ADAMTS13: variants seen among roughly 807,000 people sequenced by gnomAD.
The protein encoded by ADAMTS13 is ADAM metallopeptidase with thrombospondin type 1 motif 13.
In ADAMTS13, 110 loss-of-function variants were observed where a neutral mutation model predicts 155.1. The observed-to-expected ratio is 0.71, with a 90% CI of 0.61 to 0.83. ADAMTS13 has a LOEUF of 0.83. ADAMTS13 is among the 40% of genes least tolerant of loss of function. The probability of loss-of-function intolerance (pLI) is 0.00; values close to 1 mark genes in which losing one functional copy is unlikely to be tolerated. For missense variants in ADAMTS13, 1,707 were observed against 1,891.7 expected (o/e 0.90, Z 1.81); for synonymous variants, 758 against 756.4 (o/e 1.00, Z -0.03).
chr9:133,422,885 T>C (rs1348177725), intron 1 of ADAMTS13, among the ~76,000 whole-genome samples: 2 of 151,242 alleles, frequency 1.3e-5, no homozygotes, highest in Non-Finnish European at 2.9e-5. Context: ...CTGCCTCCTG[T>C]CTCCCTCTTC....
intron 25 of ADAMTS13, chr9:133,455,823 C>T: frequency 1.3e-6 from 1 of 782,132 alleles, no homozygotes; most frequent in African/African-American, 1.7e-5. Flanking sequence ...TTGTGAGCCC[C>T]CTAGCCTCTG....
chr9:133,414,725 C>T (rs948922930), intron 1 of ADAMTS13: 7 of 1,614,018 alleles, frequency 4.3e-6, no homozygotes, highest in East Asian at 2.2e-5. Context: ...GATGTCCCCT[C>T]GTTCTGGAAC....
chr9:133,457,771 G>C, intron 27 of ADAMTS13, 139 bp from the exon 28 acceptor site: 1 of 1,096,554 alleles, frequency 9.1e-7, no homozygotes, highest in East Asian at 2.4e-5. Context: ...TAGAGGTGGG[G>C]TTCAGCAGGA....
intron 27 of ADAMTS13, among the ~76,000 whole-genome samples, chr9:133,457,370 C>T (rs1842810291): frequency 6.6e-6 from 1 of 152,234 alleles, no homozygotes. Flanking sequence ...CGCCTCCTTG[C>T]CCCAGACCTG....
At chr9:133,449,311 T>G (rs1842279354) in intron 22 of ADAMTS13, among the ~76,000 whole-genome samples, 1 of 151,754 alleles carries the variant, frequency 6.6e-6, no homozygotes, top group Non-Finnish European at 1.5e-5. Flanking sequence ...GGCAGACAAA[T>G]GTCCCTGACC....
In ADAMTS13 at chr9:133,456,819, G is replaced by A. The variant is rs1554796209; in HGVS notation, c.3724+100G>A. ...TGGGGCCAGTCCCAGTGGGGCAGTG[G>A]GAAGATACGGAGGGAACTGACTGAG... On this transcript the variant is annotated intron_variant, in intron 27 of 28. Coordinates refer to ENST00000355699, the MANE Select transcript of ADAMTS13 (RefSeq NM_139027.6). The surrounding 1 kb of genome is among the most constrained non-coding windows in gnomAD (Gnocchi z 4.4). The A allele has an allele frequency of 2.8e-6, 4 of 1,417,018 alleles. 1 individual carries two copies. Among genetic ancestry groups the A allele is most frequent in the Non-Finnish European group, 1.9e-6 (2 of 1,032,980 alleles). The allele number at this position is 1,417,018 out of a possible 1,614,324, so 87.8% of individuals were successfully genotyped here. A position where few individuals can be genotyped will look rare whatever the true frequency, so the allele number is the denominator to read the frequency against.
At position 133,440,357 on chromosome 9, in the gene ADAMTS13, A is replaced by G; in HGVS notation, c.1800A>G (p.Gly600=). Residue 600 remains glycine (G), a synonymous_variant, in exon 16 of 29, where the codon GGA becomes GGG. Transcript: ENST00000355699. This position sits in a 1 kb window ranked among gnomAD's most constrained non-coding sequence, Gnocchi z 4.3. ...GTTCCCCGACAGCGGTGAGGATCGGAGGGCGCTATGTCGTGGCTGGGAAGA... is the reference window on the plus strand; with the variant it reads ...GTTCCCCGACAGCGGTGAGGATCGGGGGGCGCTATGTCGTGGCTGGGAAGA... The part of the protein sequence containing the change: ...PLFTHLAVRI[G]GRYVVAGKMS... 1 of 1,613,984 alleles carries G rather than the reference A, an allele frequency of 6.2e-7. No homozygotes were observed. Among genetic ancestry groups the G allele is most frequent in the African/African-American group, 1.3e-5 (1 of 75,042 alleles).
upstream of ADAMTS13, among the ~76,000 whole-genome samples, chr9:133,419,546 C>A (rs1009566165): frequency 1.3e-5 from 2 of 151,902 alleles, no homozygotes; most frequent in Non-Finnish European, 2.9e-5. Flanking sequence ...TCTCCAGGGG[C>A]GAAGCAGCAG....
At chr9:133,457,429 C>T (rs1037073781) in intron 27 of ADAMTS13, among the ~76,000 whole-genome samples, 1 of 152,188 alleles carries the variant, frequency 6.6e-6, no homozygotes, top group Non-Finnish European at 1.5e-5. Flanking sequence ...CGCTGCTGGG[C>T]CCTGCCAAAA....
Position 133,456,023 on chromosome 9 carries a change from GGGAA to G in ADAMTS13, c.3401-45_3401-42del. The stretch of plus-strand genomic sequence containing the variant: ...TGGAAGCCCCGGAGCCTGCCCTGCT[GGGAA>G]TCGGGGAAGCACTGCTTACCTGTCT... On this transcript the variant is annotated intron_variant, in intron 25 of 28. Transcript: ENST00000355699. This position sits in a 1 kb window ranked among gnomAD's most constrained non-coding sequence, Gnocchi z 4.4. 1 of 1,612,436 alleles carries G rather than the reference GGGAA, an allele frequency of 6.2e-7. No homozygotes were observed. The highest frequency in any genetic ancestry group is 8.5e-7 in the Non-Finnish European group (1 of 1,179,898).
Position 133,440,636 on chromosome 9 carries a change from C to A in ADAMTS13, c.1968+111C>A. ...CTGATTCGTTCATTTATTCATTCAGCGGTCACTTACAGGGGACCCACTATG... is the reference window on the plus strand; with the variant it reads ...CTGATTCGTTCATTTATTCATTCAGAGGTCACTTACAGGGGACCCACTATG... On this transcript the variant is annotated intron_variant, in intron 16 of 28. Transcript: ENST00000355699. The surrounding 1 kb of genome is among the most constrained non-coding windows in gnomAD (Gnocchi z 4.3). 2.3e-6 allele frequency: 3 copies of A among 1,308,610 alleles called. No individual in the cohort carries two copies. The highest frequency in any genetic ancestry group is 3.1e-6 in the Non-Finnish European group (3 of 972,472). The allele number at this position is 1,308,610 out of a possible 1,614,324, so 81.1% of individuals were successfully genotyped here. A position where few individuals can be genotyped will look rare whatever the true frequency, so the allele number is the denominator to read the frequency against.
rs1367968902 is a variant in ADAMTS13, at chr9:133,424,613, C to A, written c.330+135C>A. On this transcript the variant is annotated intron_variant, in intron 3 of 28. Transcript: ENST00000355699. This position sits in a 1 kb window ranked among gnomAD's most constrained non-coding sequence, Gnocchi z 4.3. ...AATGGCTCGGGGTTCTTCCTCTTCT[C>A]CCTCCCTCCCCTGGGTGGAGGTGGG... The A allele has an allele frequency of 3.0e-6, 4 of 1,324,972 alleles. No homozygotes were observed. The highest frequency in any genetic ancestry group is 4.2e-6 in the Non-Finnish European group (4 of 958,218). 82.1% of individuals were successfully genotyped at this position (1,324,972 alleles called of 1,614,324 possible).
intron 11 of ADAMTS13, among the ~76,000 whole-genome samples, chr9:133,436,624 C>T (rs1000752485): frequency 6.6e-5 from 10 of 152,140 alleles, no homozygotes; most frequent in African/African-American, 1.9e-4. Flanking sequence ...GTGTTCTTTA[C>T]GGATTCCCCG....
intron 23 of ADAMTS13, among the ~76,000 whole-genome samples, chr9:133,451,894 CAAAAAAA>C (rs34716768): frequency 1.3e-5 from 1 of 79,516 alleles, no homozygotes; most frequent in African/African-American, 5.4e-5. Flanking sequence ...GACCCTGTCT[CAAAAAAA>C]AAAAAAAAAA....
exon 1 of ADAMTS13, chr9:133,414,571 G>C (rs1554781054): frequency 4.7e-6 from 5 of 1,053,432 alleles, no homozygotes; most frequent in Admixed American, 1.7e-5. Flanking sequence ...AAGTGATGGA[G>C]AGACTGCGGT....
Position 133,445,873 on chromosome 9 carries a change from C to T in ADAMTS13, c.2731+54C>T. On this transcript the variant is annotated intron_variant, in intron 21 of 28. Transcript: ENST00000355699. This position sits in a 1 kb window ranked among gnomAD's most constrained non-coding sequence, Gnocchi z 5.0. Reference sequence around the variant, plus strand: ...CCAGCACTCATGGTAACTCTCCTGTCCACTTGCATCTTGCCTCGTTCTGAA... The same window carrying T: ...CCAGCACTCATGGTAACTCTCCTGTTCACTTGCATCTTGCCTCGTTCTGAA... 1 of 1,515,436 alleles carries T rather than the reference C, an allele frequency of 6.6e-7. No homozygotes were observed. Among genetic ancestry groups the T allele is most frequent in the Non-Finnish European group, 8.8e-7 (1 of 1,131,032 alleles). The allele number at this position is 1,515,436 out of a possible 1,614,324, so 93.9% of individuals were successfully genotyped here.
At chr9:133,417,303 C>A (rs934715581), upstream of ADAMTS13, among the ~76,000 whole-genome samples, 19 of 152,372 alleles carry the variant, frequency 1.2e-4, no homozygotes, top group African/African-American at 4.6e-4. Context: ...AGGCGTGAGG[C>A]CCCGCGCCCG....
intron 19 of ADAMTS13, among the ~76,000 whole-genome samples, chr9:133,444,129 C>T (rs1554791776): frequency 6.6e-6 from 1 of 152,178 alleles, no homozygotes; most frequent in East Asian, 1.9e-4. Flanking sequence ...ACCACTCTTC[C>T]CCGCTGAGGC....
Position 133,459,148 on chromosome 9 carries a change from C to T in ADAMTS13, c.4084C>T (p.Pro1362Ser). 1 of 1,612,478 alleles carries T rather than the reference C, an allele frequency of 6.2e-7. No individual in the cohort carries two copies. ...ATCATGGGTACCGGAGATGCAGGAC[C>T]CTCAGTCCTGGAAGGGAAAGGAAGG... ...LQSWVPEMQD[P>S]QSWKGKEGT Residue 1362 changes from proline (P) to serine (S), a missense_variant, in exon 29 of 29, where the codon CCT (proline) becomes TCT (serine). Physicochemically the swap from Pro to Ser is moderately conservative, Grantham distance 74 (BLOSUM62 -1). Coordinates refer to ENST00000355699, the MANE Select transcript of ADAMTS13 (RefSeq NM_139027.6).
Sources: gnomAD v4.1 joint callset for allele counts (sites outside exome capture counted in the v4.1 genomes callset) on GRCh38, gnomAD v4.1.1 for gene constraint, Gnocchi (gnomAD v3.1) non-coding constraint, MANE v1.5 for transcripts, NCBI Gene and HGNC (gene_info 2026-07-23, HGNC 2026-07-21) for gene names.